DYNC2LI1: variants seen among roughly 807,000 people sequenced by gnomAD.
DYNC2LI1 encodes the protein cytoplasmic dynein 2 light intermediate chain 1.
A neutral mutation model predicts 51.9 loss-of-function variants in DYNC2LI1; 45 were observed. The observed-to-expected ratio is 0.87, with a 90% CI of 0.68 to 1.11. DYNC2LI1 has a LOEUF of 1.11. Among genes scored for constraint, DYNC2LI1 ranks in the 50% most tolerant of loss-of-function variants. The pLI, the probability that DYNC2LI1 is intolerant of heterozygous loss-of-function variation, is 0.00. For missense variants in DYNC2LI1, 490 were observed against 417.4 expected (o/e 1.17, Z -1.51); for synonymous variants, 130 against 137.8 (o/e 0.94, Z 0.40).
rs141762000 is a variant in DYNC2LI1, at chr2:43,794,534, C to T, written c.398C>T (p.Ala133Val). Reference sequence around the variant, plus strand: ...CCCACCATGGAAAATCTCTTGCAAGCCACAAAAAGCCATGTAGACAAAGTG... The same window carrying T: ...CCCACCATGGAAAATCTCTTGCAAGTCACAAAAAGCCATGTAGACAAAGTG... ...LWPTMENLLQ[A>V]TKSHVDKVIM... Residue 133 changes from alanine (A) to valine (V), a missense_variant, in exon 6 of 13, where the codon GCC (alanine) becomes GTC (valine). Physicochemically the swap from Ala to Val is moderately conservative, Grantham distance 64 (BLOSUM62 0). Transcript: ENST00000260605. The T allele has an allele frequency of 1.2e-6, 2 of 1,613,944 alleles. No homozygotes were observed. The highest frequency in any genetic ancestry group is 2.7e-5 in the African/African-American group (2 of 75,012).
Position 43,776,827 on chromosome 2 carries a change from A to C in DYNC2LI1, c.54A>C (p.Gly18=), listed in dbSNP as rs1354866356. 6.2e-7 allele frequency: 1 copy of C among 1,602,388 alleles called. No individual in the cohort carries two copies. The highest frequency in any genetic ancestry group is 8.5e-7 in the Non-Finnish European group (1 of 1,174,620). ...CAAAAGCTGAAGTGGAAAAAAGGGG[A>C]ATTAATGGAAGTGAAGGTGATGGAG... ...EIAKAEVEKR[G]INGSEGDGAE... Residue 18 remains glycine, a synonymous_variant, in exon 2 of 13, where the codon GGA becomes GGC. Transcript: ENST00000260605.
At chr2:43,815,004 C>T (rs1047083717), downstream of DYNC2LI1, among the ~76,000 whole-genome samples, 4 of 152,100 alleles carry the variant, frequency 2.6e-5, no homozygotes, top group African/African-American at 7.2e-5. Flanking sequence ...CTCAAGTAGA[C>T]GATTACTGTC....
At chr2:43,796,681 G>A (rs746600459) in intron 7 of DYNC2LI1, 37 bp from the exon 8 acceptor site, 1 of 1,420,014 alleles carries the variant, frequency 7.0e-7, no homozygotes, top group African/African-American at 1.4e-5. Context: ...ATAGATATTT[G>A]GTTATCTTGA....
intron 10 of DYNC2LI1, among the ~76,000 whole-genome samples, 155 bp from the exon 11 acceptor site, chr2:43,804,487 A>T (rs529117195): frequency 6.6e-6 from 1 of 152,292 alleles, no homozygotes; most frequent in South Asian, 2.1e-4. Context: ...TGACCTTGCT[A>T]TGCTGGGTAG....
the DYNC2LI1 span, among the ~76,000 whole-genome samples, chr2:43,820,735 C>T: frequency 1.3e-5 from 2 of 152,162 alleles, no homozygotes; most frequent in Non-Finnish European, 2.9e-5. Context: ...CTCATTGCAA[C>T]CTCTGCTTCC....
At chr2:43,809,513 C>A (rs527447531) in intron 12 of DYNC2LI1, among the ~76,000 whole-genome samples, 192 bp from the exon 13 acceptor site, 5 of 152,252 alleles carry the variant, frequency 3.3e-5, no homozygotes, top group Admixed American at 3.3e-4. Context: ...CACACAGAAA[C>A]TCTGAAGACA....
At chr2:43,797,418 A>T (rs1176899760) in intron 8 of DYNC2LI1, among the ~76,000 whole-genome samples, 3 of 151,682 alleles carry the variant, frequency 2.0e-5, no homozygotes, top group African/African-American at 7.3e-5. Flanking sequence ...ACAGAATATT[A>T]CTCAATAAAT....
In DYNC2LI1 at chr2:43,801,651, T is replaced by A; in HGVS notation, c.744T>A (p.Cys248Ter). The A allele has an allele frequency of 6.2e-7, 1 of 1,609,894 alleles. No individual in the cohort carries two copies. The highest frequency in any genetic ancestry group is 8.5e-7 in the Non-Finnish European group (1 of 1,177,718). Residue 248 changes from cysteine (C) to a stop codon, truncating the protein, a stop_gained, in exon 10 of 13, where the codon TGT (cysteine) becomes TGA (stop). Coordinates refer to ENST00000260605, the MANE Select transcript of DYNC2LI1 (RefSeq NM_016008.4). LOFTEE classifies it high-confidence loss of function. ...CTTCTCCACGTAGCAAATCAATATG[T>A]GTGGATCAGAATAAACCGCTGTTTA... is the stretch of plus-strand genomic sequence containing the variant. ...AFGIDKSKSI[C>*]VDQNKPLFIT...
rs745930390 is a variant in DYNC2LI1 at position 43,796,760 on chromosome 2, C to G, written c.619C>G (p.Arg207Gly). ...EKRKVICKTL[R>G]FVAHYYGASL... ...GAGAAAGGTAATATGCAAGACACTT[C>G]GATTTGTTGCACATTATTATGGAGC... is the stretch of plus-strand genomic sequence containing the variant. The change falls in exon 8 of 13, where the codon CGA (arginine) becomes GGA (glycine). Residue 207 changes from arginine to glycine, a missense_variant. Physicochemically the swap from Arg to Gly is moderately radical, Grantham distance 125 (BLOSUM62 -2). Transcript: ENST00000260605. The G allele has an allele frequency of 1.2e-6, 2 of 1,613,486 alleles. No individual in the cohort carries two copies. Among genetic ancestry groups the G allele is most frequent in the African/African-American group, 1.3e-5 (1 of 74,910 alleles).
At chr2:43,791,679 C>T (rs1299698091) in intron 5 of DYNC2LI1, among the ~76,000 whole-genome samples, 1 of 152,196 alleles carries the variant, frequency 6.6e-6, no homozygotes, top group African/African-American at 2.4e-5. Flanking sequence ...ATTAGTTTGA[C>T]ACATAATTTC....
rs1254748962 is a variant in DYNC2LI1, at chr2:43,774,099, C to T, written c.-40C>T. 6 of 1,613,184 alleles carry T rather than the reference C, an allele frequency of 3.7e-6. No individual in the cohort carries two copies. Among genetic ancestry groups the T allele is most frequent in the Non-Finnish European group, 5.1e-6 (6 of 1,179,686 alleles). On this transcript the variant is annotated 5_prime_UTR_variant, in exon 1 of 13. Coordinates refer to ENST00000260605, the MANE Select transcript of DYNC2LI1 (RefSeq NM_016008.4). ...CCGCCTGATTCTAGGCTGGTCACTA[C>T]TCCGAGCCTGTGACGTTTGCGGCAG...
rs1462155632 is a variant in DYNC2LI1, at chr2:43,809,943, G to GA, written c.*181dup. The GA allele has an allele frequency of 4.5e-6, 6 of 1,331,214 alleles. No homozygotes were observed. The highest frequency in any genetic ancestry group is 1.5e-5 in the African/African-American group (1 of 66,142). The allele number at this position is 1,331,214 out of a possible 1,614,324, so 82.5% of individuals were successfully genotyped here. ...TGTATATCTTGAAGCTTTTTAAAAG[G>GA]AAAAATTATTGTAGAACCACGTGTA... is the stretch of plus-strand genomic sequence containing the variant. On this transcript the variant is annotated 3_prime_UTR_variant, in exon 13 of 13. Coordinates refer to ENST00000260605, the MANE Select transcript of DYNC2LI1 (RefSeq NM_016008.4).
At chr2:43,784,818 T>G (rs191609306) in intron 3 of DYNC2LI1, among the ~76,000 whole-genome samples, 16 of 152,326 alleles carry the variant, frequency 1.1e-4, no homozygotes, top group Admixed American at 5.2e-4. Context: ...TCAGATCTTA[T>G]GAATTTTGTC....
chr2:43,794,431 T>C lies in DYNC2LI1; in HGVS notation c.321-26T>C, dbSNP rs115668893. On this transcript the variant is annotated intron_variant, in intron 5 of 12. Transcript: ENST00000260605. ...AAAATGGTAATTATTTTGAGTCTTT[T>C]TTGAAAAGTGTTTTTATTTCTTTAG... 2.4e-4 allele frequency: 383 copies of C among 1,578,190 alleles called. 1 individual carries two copies. In the African/African-American group the frequency reaches 4.9e-3, roughly 20 times the overall value.
chr2:43,800,704 C>G (rs965619403), intron 8 of DYNC2LI1, 137 bp from the exon 9 acceptor site: 1 of 492,470 alleles, frequency 2.0e-6, no homozygotes, highest in Non-Finnish European at 3.6e-6. Flanking sequence ...GTTTTGTCTA[C>G]TCAAACAGAA....
At chr2:43,815,035 A>G in the DYNC2LI1 span, among the ~76,000 whole-genome samples, 2 of 152,192 alleles carry the variant, frequency 1.3e-5, no homozygotes, top group African/African-American at 2.4e-5. Context: ...GGTAAGCACT[A>G]CTGATATAAA....
At chr2:43,799,019 A>G (rs555933888) in intron 8 of DYNC2LI1, among the ~76,000 whole-genome samples, 1 of 152,296 alleles carries the variant, frequency 6.6e-6, no homozygotes, top group South Asian at 2.1e-4. Context: ...AACAAAACAC[A>G]GGCCAGGTGT....
chr2:43,825,167 G>T, the DYNC2LI1 span: 1 of 906,666 alleles, frequency 1.1e-6, no homozygotes, highest in Non-Finnish European at 1.7e-6. Flanking sequence ...TAAGCAGTCA[G>T]TCCTTCGATG....
In DYNC2LI1 at chr2:43,801,689, T is replaced by G; in HGVS notation, c.782T>G (p.Leu261Trp). 2 of 1,609,840 alleles carry G rather than the reference T, an allele frequency of 1.2e-6. No homozygotes were observed. ...AAACCGCTGTTTATCACAGCAGGAT[T>G]GGATTCTTTCGGTCAAATAGGTTAG... Reference protein sequence around the residue: ...QNKPLFITAGLDSFGQIGSPP... With the variant: ...QNKPLFITAGWDSFGQIGSPP... Residue 261 changes from leucine (L) to tryptophan (W), a missense_variant, in exon 10 of 13, where the codon TTG (leucine) becomes TGG (tryptophan). Physicochemically the swap from Leu to Trp is moderately conservative, Grantham distance 61. Coordinates refer to ENST00000260605, the MANE Select transcript of DYNC2LI1 (RefSeq NM_016008.4).
Sources: gnomAD v4.1 joint callset for allele counts (sites outside exome capture counted in the v4.1 genomes callset) on GRCh38, gnomAD v4.1.1 for gene constraint, MANE v1.5 for transcripts, NCBI Gene and HGNC (gene_info 2026-07-23, HGNC 2026-07-21) for gene names.